The following HGD variants were observed in gnomAD, a reference collection of about 807,000 sequenced individuals.
The protein encoded by HGD is homogentisate 1,2-dioxygenase.
In HGD, 61 loss-of-function variants were observed where a neutral mutation model predicts 60.8. The ratio of observed to expected loss-of-function variants is 1.00; its 90% CI spans 0.82 to 1.24. HGD has a LOEUF of 1.24. HGD is among the 50% of genes most tolerant of loss of function. HGD has a pLI of 0.00. For synonymous variants in HGD, 212 were observed against 187.7 expected, an observed-to-expected ratio of 1.13 and a Z score of -1.06; for missense variants, 542 against 547.1, an observed-to-expected ratio of 0.99 and a Z score of 0.09.
Position 120,652,098 on chromosome 3 carries a change from T to C in HGD, c.342+494A>G, listed in dbSNP as rs1414487881. On this transcript the variant is annotated intron_variant, in intron 5 of 13. Coordinates refer to ENST00000283871, the MANE Select transcript of HGD (RefSeq NM_000187.4). ...ATATTTATGCTCATACCAGAATTATTAGATGTTTTCCATAGATATTATGAT... is the reference window on the plus strand; with the variant it reads ...ATATTTATGCTCATACCAGAATTATCAGATGTTTTCCATAGATATTATGAT... 2.6e-5 allele frequency among the ~76,000 whole-genome samples: 4 copies of C among 152,200 alleles called. No homozygotes were observed. In the East Asian group the frequency reaches 7.7e-4, roughly 29 times the overall value.
At chr3:120,630,527 G>A (rs973901029) in intron 13 of HGD, among the ~76,000 whole-genome samples, 1 of 151,942 alleles carries the variant, frequency 6.6e-6, no homozygotes, top group African/African-American at 2.4e-5. Context: ...AATGGGGAAA[G>A]GACTATCTAT....
chr3:120,675,709 G>T, intron 2 of HGD, 83 bp downstream of exon 2: 4 of 1,020,132 alleles, frequency 3.9e-6, no homozygotes, highest in Non-Finnish European at 6.2e-6. Context: ...GAAGAGCCAC[G>T]GTGGGTGGAG....
chr3:120,628,425 C>T lies in HGD; in HGVS notation c.1293G>A (p.Lys431=). The T allele has an allele frequency of 6.2e-7, 1 of 1,614,042 alleles. No individual in the cohort carries two copies. The highest frequency in any genetic ancestry group is 8.5e-7 in the Non-Finnish European group (1 of 1,179,962). Residue 431 remains lysine, a synonymous_variant, in exon 14 of 14, where the codon AAG becomes AAA. Coordinates refer to ENST00000283871, the MANE Select transcript of HGD (RefSeq NM_000187.4). ...ENYHKCWEPL[K]SHFTPNSRNP... ...TCCTGGAGTTGGGAGTGAAGTGGCTCTTGAGTGGCTCCCAGCACTTGTGGT... is the reference window on the plus strand; with the variant it reads ...TCCTGGAGTTGGGAGTGAAGTGGCTTTTGAGTGGCTCCCAGCACTTGTGGT...
At chr3:120,674,030 G>T (rs1708076545) in intron 3 of HGD, among the ~76,000 whole-genome samples, 1 of 152,160 alleles carries the variant, frequency 6.6e-6, no homozygotes, top group Non-Finnish European at 1.5e-5. Flanking sequence ...TTTATCATTT[G>T]TGTGGTCCAT....
In HGD at chr3:120,657,794, T is replaced by C. The variant is rs576031090; in HGVS notation, c.283-5143A>G. ...ACAGAAGGTGAAGCAGGAGAAGGCA[T>C]GGCTTACATTGCAGGAACAGGAGTG... On this transcript the variant is annotated intron_variant, in intron 4 of 13. Coordinates refer to ENST00000283871, the MANE Select transcript of HGD (RefSeq NM_000187.4). Among the ~76,000 whole-genome samples the C allele has an allele frequency of 4.6e-5, 7 of 151,010 alleles. No homozygotes were observed. In the South Asian group the frequency reaches 1.5e-3, roughly 32 times the overall value.
chr3:120,661,833 A>C (rs1707774698), intron 4 of HGD, among the ~76,000 whole-genome samples: 1 of 152,224 alleles, frequency 6.6e-6, no homozygotes, highest in Non-Finnish European at 1.5e-5. Context: ...TTATTTATAG[A>C]ATGATAGGAT....
chr3:120,639,236 T>C (rs536414155), intron 11 of HGD, among the ~76,000 whole-genome samples: 184 of 152,284 alleles, frequency 1.2e-3, no homozygotes, highest in African/African-American at 4.3e-3. Context: ...CCAGTGTCTA[T>C]TTTTCTCATG....
At chr3:120,639,485 C>T (rs952758250) in intron 11 of HGD, among the ~76,000 whole-genome samples, 2 of 152,128 alleles carry the variant, frequency 1.3e-5, no homozygotes, top group Admixed American at 6.6e-5. Context: ...TGAATTAACA[C>T]CAGCTAAAAG....
intron 1 of HGD, among the ~76,000 whole-genome samples, chr3:120,680,929 C>A (rs1438737489): frequency 1.3e-5 from 2 of 152,198 alleles, no homozygotes; most frequent in African/African-American, 4.8e-5. Context: ...TTGACTCTAC[C>A]TAGCCCAGAC....
At chr3:120,665,202 TA>T (rs1707871660) in intron 4 of HGD, among the ~76,000 whole-genome samples, 1 of 152,244 alleles carries the variant, frequency 6.6e-6, no homozygotes, top group African/African-American at 2.4e-5. Flanking sequence ...CTTTTTTTTA[TA>T]ATTTGCATGT....
chr3:120,636,055 G>A (rs1940762602), intron 12 of HGD, among the ~76,000 whole-genome samples: 2 of 149,106 alleles, frequency 1.3e-5, no homozygotes, highest in South Asian at 2.2e-4. Context: ...TGGATTGCTT[G>A]AGTTTAGGAG....
chr3:120,661,014 A>G (rs1478369369), intron 4 of HGD, among the ~76,000 whole-genome samples: 1 of 151,928 alleles, frequency 6.6e-6, no homozygotes, highest in Non-Finnish European at 1.5e-5. Flanking sequence ...TCTCACAACA[A>G]CTCTCTGAGG....
chr3:120,654,718 G>T (rs1019349866), intron 4 of HGD, among the ~76,000 whole-genome samples: 1 of 152,234 alleles, frequency 6.6e-6, no homozygotes, highest in African/African-American at 2.4e-5. Context: ...AGTAGCAGGG[G>T]ATTTTCTGCC....
At chr3:120,665,300 C>G (rs1354888957) in intron 4 of HGD, among the ~76,000 whole-genome samples, 1 of 152,028 alleles carries the variant, frequency 6.6e-6, no homozygotes, top group Non-Finnish European at 1.5e-5. Flanking sequence ...GGTTAAGAAC[C>G]AAGAGGTAAT....
At chr3:120,653,134 AAGAG>A (rs1941393930) in intron 4 of HGD, among the ~76,000 whole-genome samples, 1 of 152,160 alleles carries the variant, frequency 6.6e-6, no homozygotes, top group Admixed American at 6.5e-5. Flanking sequence ...TTGTTTTTTT[AAGAG>A]AAAGAAAGAG....
intron 4 of HGD, among the ~76,000 whole-genome samples, chr3:120,663,500 G>A (rs1707826880): frequency 6.6e-6 from 1 of 152,130 alleles, no homozygotes; most frequent in Admixed American, 6.6e-5. Context: ...CTCCCACCAG[G>A]TCCCTCCCGT....
At chr3:120,634,195 T>G (rs1940685187) in intron 12 of HGD, among the ~76,000 whole-genome samples, 1 of 152,202 alleles carries the variant, frequency 6.6e-6, no homozygotes, top group South Asian at 2.1e-4. Context: ...TGAAGAGCTC[T>G]GTGTGTAAGA....
chr3:120,644,076 T>G (rs1282094550), intron 10 of HGD, among the ~76,000 whole-genome samples: 1 of 152,224 alleles, frequency 6.6e-6, no homozygotes, highest in Non-Finnish European at 1.5e-5. Flanking sequence ...GTCAGACAGA[T>G]ATGGGTTCAA....
intron 5 of HGD, 133 bp downstream of exon 5, chr3:120,652,459 A>C (rs1423244857): frequency 7.1e-6 from 5 of 707,478 alleles, no homozygotes; most frequent in African/African-American, 1.7e-5. Context: ...CCCCCAAAGC[A>C]TACGCAGGTG....
Sources: gnomAD v4.1 joint callset for allele counts (sites outside exome capture counted in the v4.1 genomes callset) on GRCh38, gnomAD v4.1.1 for gene constraint, MANE v1.5 for transcripts, NCBI Gene and HGNC (gene_info 2026-07-23, HGNC 2026-07-21) for gene names.